SYCP2: variants seen among roughly 807,000 people sequenced by gnomAD.
SYCP2 encodes synaptonemal complex protein 2, also known as synaptonemal complex lateral element protein.
A neutral mutation model predicts 211.3 loss-of-function variants in SYCP2; 55 were observed. That is an observed-to-expected ratio of 0.26 (90% CI 0.21 to 0.33). The LOEUF (loss-of-function observed/expected upper bound fraction) is 0.33, where lower values mean the gene tolerates loss of function less well. Among genes scored for constraint, SYCP2 ranks in the 10% least tolerant of loss-of-function variants. SYCP2 has a pLI of 1.00. For synonymous variants in SYCP2, 570 were observed against 555.2 expected (o/e 1.03, Z -0.37); for missense variants, 1,731 against 1,752.0 (o/e 0.99, Z 0.21).
At chr20:59,908,284 A>G (rs946192603) in intron 14 of SYCP2, among the ~76,000 whole-genome samples, 1 of 152,122 alleles carries the variant, frequency 6.6e-6, no homozygotes, top group Non-Finnish European at 1.5e-5. Context: ...CAAAACGAAA[A>G]AAAACTAAAT....
chr20:59,907,510 C>T, intron 14 of SYCP2, 86 bp from the exon 15 acceptor site: 1 of 1,108,558 alleles, frequency 9.0e-7, no homozygotes, highest in East Asian at 2.5e-5. Context: ...GTTACAGGAA[C>T]TATGAATTCT....
At chr20:59,907,293 C>T in intron 15 of SYCP2, 71 bp downstream of exon 15, 2 of 1,000,780 alleles carry the variant, frequency 2.0e-6, no homozygotes, top group South Asian at 1.5e-5. Context: ...TTTGTTAACC[C>T]AGAAAGGATG....
chr20:59,921,027 CAA>C (rs2060531868), intron 4 of SYCP2, among the ~76,000 whole-genome samples: 1 of 151,438 alleles, frequency 6.6e-6, no homozygotes, highest in African/African-American at 2.4e-5. Context: ...GTTTAAACTT[CAA>C]AGAGCTAAAG....
chr20:59,897,650 TTTAA>T (rs1485176715), intron 18 of SYCP2, among the ~76,000 whole-genome samples: 4 of 152,016 alleles, frequency 2.6e-5, no homozygotes, highest in African/African-American at 9.7e-5. Flanking sequence ...AAATGACACT[TTTAA>T]TTGAGAACAA....
At chr20:59,880,792 A>T (rs2059662767) in intron 30 of SYCP2, among the ~76,000 whole-genome samples, 174 bp downstream of exon 30, 1 of 151,814 alleles carries the variant, frequency 6.6e-6, no homozygotes, top group Admixed American at 6.6e-5. Context: ...CATTTCTTTT[A>T]TTAGATGATT....
At chr20:59,923,297 C>T (rs968348899) in intron 2 of SYCP2, among the ~76,000 whole-genome samples, 1 of 151,904 alleles carries the variant, frequency 6.6e-6, no homozygotes, top group African/African-American at 2.4e-5. Flanking sequence ...AAATGCAAAT[C>T]ATTGCTGTAG....
rs749483346 is a variant in SYCP2, at chr20:59,922,376, C to G, written c.24+14G>C. 1.3e-6 allele frequency: 2 copies of G among 1,565,708 alleles called. No homozygotes were observed. Among genetic ancestry groups the G allele is most frequent in the South Asian group, 2.4e-5 (2 of 82,354 alleles). ...CAGAATGAAAATACTTACTTTTGGT[C>G]TAGGACTACATACCTGGAGATCTGG... On this transcript the variant is annotated intron_variant, in intron 3 of 44. Coordinates refer to ENST00000357552, the MANE Select transcript of SYCP2 (RefSeq NM_014258.4).
chr20:59,866,585 C>T lies in SYCP2; in HGVS notation c.4130G>A (p.Arg1377Gln). ...AGTAAAATAACTCAACATTTTATGT[C>T]GGATCTGAAAAATACTCATTTTTAA... The part of the protein sequence containing the change: ...NSEFKRRNNI[R>Q]HKMLSYFTTQ... The change falls in exon 40 of 45, where the codon CGA becomes CAA. Residue 1377 changes from arginine (R) to glutamine (Q), a missense_variant. This residue lies in a region of SYCP2 where 1,387 missense variants were observed against 1,351.3 expected (regional missense o/e 1.03). Transcript: ENST00000357552. The T allele has an allele frequency of 6.3e-7, 1 of 1,588,662 alleles. No homozygotes were observed. Among genetic ancestry groups the T allele is most frequent in the South Asian group, 1.1e-5 (1 of 87,154 alleles).
intron 31 of SYCP2, among the ~76,000 whole-genome samples, chr20:59,879,822 A>AATAAATATATATAT (rs1282998120): frequency 2.0e-5 from 1 of 51,118 alleles, no homozygotes; most frequent in African/African-American, 1.6e-4. Context: ...AATATAAATA[A>AATAAATATATATAT]ATATATATAT....
Position 59,893,219 on chromosome 20 carries a change from T to A in SYCP2, c.1736-20A>T. ...GTTCACCTAAATAAAACAAATATTA[T>A]AATATTTTCATTTTTTTCATGCAGT... On this transcript the variant is annotated intron_variant, in intron 21 of 44. Coordinates refer to ENST00000357552, the MANE Select transcript of SYCP2 (RefSeq NM_014258.4). 1 of 1,553,600 alleles carries A rather than the reference T, an allele frequency of 6.4e-7. No homozygotes were observed. The highest frequency in any genetic ancestry group is 1.2e-5 in the South Asian group (1 of 86,038).
At chr20:59,865,345 C>A in intron 44 of SYCP2, 43 bp downstream of exon 44, 1 of 1,478,070 alleles carries the variant, frequency 6.8e-7, no homozygotes, top group Non-Finnish European at 9.3e-7. Flanking sequence ...AAACAAAAGA[C>A]ATTAAAGTAT....
At chr20:59,867,977 G>A (rs1189547099) in intron 38 of SYCP2, 130 bp from the exon 39 acceptor site, 3 of 636,834 alleles carry the variant, frequency 4.7e-6, no homozygotes, top group African/African-American at 3.9e-5. Context: ...TGAAATCAAA[G>A]GCAGAAGAGT....
Position 59,880,965 on chromosome 20 carries a change from CTTT to C in SYCP2, c.2770_2772del (p.Lys924del), listed in dbSNP as rs2059666855. On this transcript the variant is annotated inframe_deletion and splice_region_variant, in exon 30 of 45. Transcript: ENST00000357552. ...AGACATATTGAGATATTATAACTTA[CTTT>C]TTTATCTTTTGTTTTGACAGAAGAT... 5 of 1,431,528 alleles carry C rather than the reference CTTT, an allele frequency of 3.5e-6. No individual in the cohort carries two copies. Among genetic ancestry groups the C allele is most frequent in the African/African-American group, 2.8e-5 (2 of 70,182 alleles). The allele number at this position is 1,431,528 out of a possible 1,614,324, so 88.7% of individuals were successfully genotyped here. A position where few individuals can be genotyped will look rare whatever the true frequency, so the allele number is the denominator to read the frequency against.
intron 2 of SYCP2, among the ~76,000 whole-genome samples, chr20:59,929,320 C>A (rs917649718): frequency 2.6e-5 from 4 of 152,140 alleles, no homozygotes; most frequent in Admixed American, 6.5e-5. Flanking sequence ...AAGCAAATAA[C>A]TGCACTTTGA....
At chr20:59,879,858 T>TACACAC (rs1479737255) in intron 31 of SYCP2, among the ~76,000 whole-genome samples, 20 of 116,716 alleles carry the variant, frequency 1.7e-4, no homozygotes, top group African/African-American at 6.7e-4. Flanking sequence ...TATATATATA[T>TACACAC]ATATACACAC....
intron 34 of SYCP2, among the ~76,000 whole-genome samples, chr20:59,874,326 C>T (rs1482937846): frequency 2.0e-5 from 3 of 151,982 alleles, no homozygotes; most frequent in African/African-American, 7.2e-5. Context: ...TACAGTATGA[C>T]CTGAAATATA....
rs1216936720 is a variant in SYCP2 at position 59,885,914 on chromosome 20, T to C, written c.2529+14A>G. 6.3e-7 allele frequency: 1 copy of C among 1,590,632 alleles called. No homozygotes were observed. Among genetic ancestry groups the C allele is most frequent in the South Asian group, 1.1e-5 (1 of 87,598 alleles). On this transcript the variant is annotated intron_variant, in intron 26 of 44. Coordinates refer to ENST00000357552, the MANE Select transcript of SYCP2 (RefSeq NM_014258.4). ...TGACTATAGATTTGGTGAAGTTAAG[T>C]AAATAACACCTACCTTACTGAGTTG...
In SYCP2 at chr20:59,914,034, T is replaced by A. The variant is rs763846360; in HGVS notation, c.778-7A>T. On this transcript the variant is annotated splice_polypyrimidine_tract_variant and splice_region_variant and intron_variant, in intron 11 of 44. Transcript: ENST00000357552. Reference sequence around the variant, plus strand: ...TGAGAAATATCCTGCAATCCTAATTTTAAAGAGAAATACTTTTAAAAATCA... The same window carrying A: ...TGAGAAATATCCTGCAATCCTAATTATAAAGAGAAATACTTTTAAAAATCA... 1 of 1,591,420 alleles carries A rather than the reference T, an allele frequency of 6.3e-7. No homozygotes were observed. The highest frequency in any genetic ancestry group is 8.6e-7 in the Non-Finnish European group (1 of 1,169,052).
Position 59,873,981 on chromosome 20 carries a change from A to G in SYCP2, c.3430T>C (p.Ser1144Pro). The G allele has an allele frequency of 6.2e-7, 1 of 1,613,210 alleles. No homozygotes were observed. The highest frequency in any genetic ancestry group is 8.5e-7 in the Non-Finnish European group (1 of 1,179,508). The part of the protein sequence containing the change: ...TKSISPYPKT[S>P]SLESLNSNSG... Reference sequence around the variant, plus strand: ...TTACTATTTAAGGATTCAAGTGATGAAGTTTTTGGATAAGGTGATATAGAT... The same window carrying G: ...TTACTATTTAAGGATTCAAGTGATGGAGTTTTTGGATAAGGTGATATAGAT... Residue 1144 changes from serine to proline, a missense_variant, in exon 35 of 45, where the codon TCA becomes CCA. Ser to Pro is a moderately conservative substitution (Grantham distance 74). This residue lies in a region of SYCP2 where 1,387 missense variants were observed against 1,351.3 expected (regional missense o/e 1.03). Coordinates refer to ENST00000357552, the MANE Select transcript of SYCP2 (RefSeq NM_014258.4).
Sources: gnomAD v4.1 joint callset for allele counts (sites outside exome capture counted in the v4.1 genomes callset) on GRCh38, gnomAD v4.1.1 for gene constraint, gnomAD v4.1.1 regional missense constraint, MANE v1.5 for transcripts, NCBI Gene and HGNC (gene_info 2026-07-23, HGNC 2026-07-21) for gene names.